The following DGKG variants were observed in gnomAD, a reference collection of about 807,000 sequenced individuals.
DGKG encodes DAG kinase gamma.
A neutral mutation model predicts 105.3 loss-of-function variants in DGKG; 78 were observed. The observed-to-expected ratio is 0.74, with a 90% CI of 0.62 to 0.89. The LOEUF is 0.89. Ranked by LOEUF, DGKG falls within the 40% of genes least tolerant of loss-of-function variation. The probability of loss-of-function intolerance (pLI) is 0.00; values close to 1 mark genes in which losing one functional copy is unlikely to be tolerated. For missense variants in DGKG, 958 were observed against 1,020.1 expected (o/e 0.94, Z 0.83); for synonymous variants, 346 against 367.1 (o/e 0.94, Z 0.66).
At chr3:186,157,883 G>T (rs1716114071) in intron 24 of DGKG, among the ~76,000 whole-genome samples, 1 of 151,780 alleles carries the variant, frequency 6.6e-6, no homozygotes, top group Admixed American at 6.6e-5. Flanking sequence ...TTGTATTTTT[G>T]GTACAGATGG....
chr3:186,265,657 C>CCTTTT (rs1219378962), intron 13 of DGKG, among the ~76,000 whole-genome samples: 3 of 77,380 alleles, frequency 3.9e-5, no homozygotes, highest in South Asian at 5.7e-4. Context: ...TTCTTCCTTT[C>CCTTTT]TTTTTTTTTT....
intron 20 of DGKG, among the ~76,000 whole-genome samples, chr3:186,233,727 C>T (rs1029907757): frequency 6.6e-6 from 1 of 152,242 alleles, no homozygotes; most frequent in Non-Finnish European, 1.5e-5. Context: ...TCGTGATCCG[C>T]CTGCCTCGGC....
In DGKG at chr3:186,297,290, A is replaced by G. The variant is rs1486805494; in HGVS notation, c.373+131T>C. 39 of 704,982 alleles carry G rather than the reference A, an allele frequency of 5.5e-5. No homozygotes were observed. The Admixed American group carries it at 8.1e-4, about 15-fold the overall frequency. The allele number at this position is 704,982 out of a possible 1,614,324, so 43.7% of individuals were successfully genotyped here. A position where few individuals can be genotyped will look rare whatever the true frequency, so the allele number is the denominator to read the frequency against. On this transcript the variant is annotated intron_variant, in intron 5 of 24. Transcript: ENST00000265022. ...CCCAGAGATGGAGGTTCTGAAGGCC[A>G]CAGGAGGACCAGATCTGCATAAGAT...
At chr3:186,185,118 GACTGGAACTCCAGTCTTCTGAC>G (rs1717560319) in intron 22 of DGKG, among the ~76,000 whole-genome samples, 1 of 152,188 alleles carries the variant, frequency 6.6e-6, no homozygotes, top group African/African-American at 2.4e-5. Context: ...GCAGAGTCTG[GACTGGAACTCCAGTCTTCTGAC>G]TCCCAGGCGA....
chr3:186,327,347 C>T (rs1337160776), intron 1 of DGKG, among the ~76,000 whole-genome samples: 1 of 150,204 alleles, frequency 6.7e-6, no homozygotes, highest in Non-Finnish European at 1.5e-5. Flanking sequence ...CTTTCCTCCT[C>T]CTTCTCCTCC....
rs184129470 is a variant in DGKG at position 186,293,218 on chromosome 3, C to T, written c.373+4203G>A. 3.8e-3 allele frequency among the ~76,000 whole-genome samples: 581 copies of T among 152,332 alleles called. 5 individuals carry two copies. Among genetic ancestry groups the T allele is most frequent in the African/African-American group, 0.013 (525 of 41,576 alleles). ...CAAATGTACAATGACATGCATTCAC[C>T]ATTATAGTATACAGAGTAGTTTCGC... is the stretch of plus-strand genomic sequence containing the variant. On this transcript the variant is annotated intron_variant, in intron 5 of 24. Transcript: ENST00000265022.
intron 2 of DGKG, among the ~76,000 whole-genome samples, chr3:186,312,122 CAAAAAAAAAAAAAAAAA>C (rs34286105): frequency 5.2e-4 from 9 of 17,466 alleles, no homozygotes; most frequent in Admixed American, 8.6e-4. Context: ...GACTCCGTCT[CAAAAAAAAAAAAAAAAA>C]AAAAAAAAAA....
intron 20 of DGKG, among the ~76,000 whole-genome samples, chr3:186,229,849 C>T (rs987377609): frequency 6.6e-6 from 1 of 152,208 alleles, no homozygotes; most frequent in Non-Finnish European, 1.5e-5. Context: ...AGTCAGACTC[C>T]TCTCCGAGTG....
chr3:186,254,875 T>C (rs931261890), intron 17 of DGKG, among the ~76,000 whole-genome samples: 1 of 152,188 alleles, frequency 6.6e-6, no homozygotes, highest in Admixed American at 6.5e-5. Context: ...CATGGCCCCA[T>C]AGCCTACCAC....
intron 2 of DGKG, chr3:186,313,543 T>C (rs1420547964): frequency 9.1e-6 from 9 of 985,172 alleles, no homozygotes; most frequent in Admixed American, 6.1e-5. Context: ...TCAGACAACT[T>C]GGACCATCTT....
At chr3:186,184,912 C>G (rs759677) in intron 22 of DGKG, among the ~76,000 whole-genome samples, 1,690 of 152,254 alleles carry the variant, frequency 0.011, 41 homozygotes, top group African/African-American at 0.038. Flanking sequence ...ACAAAATACA[C>G]TGAGAGAAGG....
intron 20 of DGKG, among the ~76,000 whole-genome samples, chr3:186,220,547 C>G (rs1372402094): frequency 6.6e-6 from 1 of 152,186 alleles, no homozygotes; most frequent in Non-Finnish European, 1.5e-5. Context: ...GTCACCAGAG[C>G]TAGTGACTGC....
intron 24 of DGKG, among the ~76,000 whole-genome samples, chr3:186,153,298 A>G (rs1222869909): frequency 1.3e-5 from 2 of 152,090 alleles, no homozygotes; most frequent in African/African-American, 2.4e-5. Flanking sequence ...TTATGATCCT[A>G]TTTTAGGAGG....
intron 2 of DGKG, among the ~76,000 whole-genome samples, chr3:186,317,765 G>A (rs1002659420): frequency 2.6e-5 from 4 of 152,168 alleles, no homozygotes; most frequent in African/African-American, 9.7e-5. Context: ...CTATACTGCA[G>A]CACCCGTGCT....
intron 1 of DGKG, among the ~76,000 whole-genome samples, chr3:186,326,984 C>T (rs1208054644): frequency 1.3e-5 from 2 of 152,086 alleles, no homozygotes; most frequent in Non-Finnish European, 2.9e-5. Context: ...ATGGCAAAAC[C>T]CCGTCTTTAC....
chr3:186,255,132 C>T (rs1721403611), intron 17 of DGKG, among the ~76,000 whole-genome samples: 1 of 152,236 alleles, frequency 6.6e-6, no homozygotes, highest in Non-Finnish European at 1.5e-5. Flanking sequence ...GTAATTATCT[C>T]CTTGTTTGTT....
At chr3:186,190,472 T>C (rs1717852136) in intron 21 of DGKG, among the ~76,000 whole-genome samples, 1 of 152,220 alleles carries the variant, frequency 6.6e-6, no homozygotes, top group Non-Finnish European at 1.5e-5. Flanking sequence ...GCAAAGCTCA[T>C]GTAAGAGTTC....
intron 5 of DGKG, among the ~76,000 whole-genome samples, chr3:186,293,947 C>T (rs1260127833): frequency 6.6e-6 from 1 of 152,030 alleles, no homozygotes. Flanking sequence ...TCCCTTAAAT[C>T]TCAAGTGTCA....
intron 20 of DGKG, among the ~76,000 whole-genome samples, chr3:186,227,944 A>C (rs183728159): frequency 9.9e-4 from 151 of 152,288 alleles, no homozygotes; most frequent in African/African-American, 3.5e-3. Flanking sequence ...AAAGGGCAAC[A>C]ATTTTCTGAA....
Sources: gnomAD v4.1 joint callset for allele counts (sites outside exome capture counted in the v4.1 genomes callset) on GRCh38, gnomAD v4.1.1 for gene constraint, MANE v1.5 for transcripts, NCBI Gene and HGNC (gene_info 2026-07-23, HGNC 2026-07-21) for gene names.